Variants in KLK15 observed in about 807,000 individuals in gnomAD.
The protein encoded by KLK15 is kallikrein-15.
A neutral mutation model predicts 21.1 loss-of-function variants in KLK15; 19 were observed. The ratio of observed to expected loss-of-function variants is 0.90; its 90% CI spans 0.63 to 1.32. The LOEUF is 1.32. Ranked by LOEUF, KLK15 falls within the 40% of genes most tolerant of loss-of-function variation. The pLI, the probability that KLK15 is intolerant of heterozygous loss-of-function variation, is 0.00. For missense variants in KLK15, 345 were observed against 348.6 expected, an observed-to-expected ratio of 0.99 and a Z score of 0.08; for synonymous variants, 141 against 141.5, an observed-to-expected ratio of 1.00 and a Z score of 0.03.
intron 1 of KLK15, among the ~76,000 whole-genome samples, chr19:50,829,983 A>C (rs924030245): frequency 2.6e-5 from 4 of 151,640 alleles, no homozygotes; most frequent in Admixed American, 1.3e-4. Context: ...TCAAGGTCAA[A>C]GACATGCAGC....
At chr19:50,832,008 A>G (rs1392641581), upstream of KLK15, among the ~76,000 whole-genome samples, 16 of 151,406 alleles carry the variant, frequency 1.1e-4, no homozygotes, top group Non-Finnish European at 2.9e-5. Context: ...TTTTAAGTAG[A>G]GACAGGGTTT....
exon 2 of KLK15, chr19:50,827,701 G>T (rs1041779437): frequency 1.2e-6 from 2 of 1,611,214 alleles, no homozygotes; most frequent in African/African-American, 2.7e-5. Flanking sequence ...CCAGTGTGGG[G>T]AGATGAGGGA....
chr19:50,826,437 C>T (rs572329258), intron 4 of KLK15, 184 bp downstream of exon 5: 24 of 622,284 alleles, frequency 3.9e-5, no homozygotes, highest in South Asian at 2.8e-4. Context: ...CCTCAAACAA[C>T]GCAATCCCCA....
intron 1 of KLK15, 69 bp downstream of exon 2, chr19:50,831,381 G>A (rs1375969238): frequency 6.0e-6 from 7 of 1,165,500 alleles, no homozygotes; most frequent in Non-Finnish European, 8.0e-6. Context: ...GCAGATCACT[G>A]GGCCCAGACA....
intron 4 of KLK15, 38 bp downstream of exon 5, chr19:50,826,583 C>A (rs749353326): frequency 5.2e-6 from 8 of 1,546,798 alleles, no homozygotes; most frequent in South Asian, 1.2e-5. Context: ...CTGTCCCCAT[C>A]CCTCTTCTTC....
chr19:50,832,277 A>G (rs1033416757), upstream of KLK15, among the ~76,000 whole-genome samples: 7 of 150,112 alleles, frequency 4.7e-5, no homozygotes, highest in Non-Finnish European at 7.4e-5. Flanking sequence ...TGGCACCACC[A>G]GGATAAAGTC....
At chr19:50,826,804 T>C (rs562272039) in intron 3 of KLK15, 47 bp from the exon 5 acceptor site, 21 of 1,584,852 alleles carry the variant, frequency 1.3e-5, no homozygotes, top group Non-Finnish European at 1.7e-5. Flanking sequence ...TTCCGGCCCT[T>C]GTCCCCTCCG....
upstream of KLK15, among the ~76,000 whole-genome samples, chr19:50,831,921 C>G (rs2089994463): frequency 6.6e-6 from 1 of 152,062 alleles, no homozygotes; most frequent in Admixed American, 6.5e-5. Context: ...ACACCATTCT[C>G]CCGCCTCAGC....
chr19:50,825,942 A>C (rs2089872290), exon 5 of KLK15: 1 of 1,612,236 alleles, frequency 6.2e-7, no homozygotes, highest in African/African-American at 1.3e-5. Context: ...GGTCCCCCAG[A>C]GTCACCCTGT....
intron 2 of KLK15, 36 bp downstream of exon 3, chr19:50,827,626 A>G (rs1444146372): frequency 1.3e-6 from 2 of 1,596,026 alleles, no homozygotes; most frequent in Non-Finnish European, 1.7e-6. Flanking sequence ...CCCCCGAACC[A>G]GGCTCCCTCA....
At chr19:50,830,181 A>ACACC (rs2089958202) in intron 1 of KLK15, among the ~76,000 whole-genome samples, 1 of 151,344 alleles carries the variant, frequency 6.6e-6, no homozygotes, top group African/African-American at 2.4e-5. Flanking sequence ...ACACACACAC[A>ACACC]CACACAGAAT....
At chr19:50,827,082 T>G (rs551526241) in exon 3 of KLK15, 67 of 1,606,242 alleles carry the variant, frequency 4.2e-5, no homozygotes, top group Non-Finnish European at 5.3e-5. Flanking sequence ...GGGTGTGGAA[T>G]GACCCGAGAC....
intron 4 of KLK15, 185 bp from the exon 6 acceptor site, chr19:50,826,133 A>T (rs567645704): frequency 1.7e-6 from 1 of 588,386 alleles, no homozygotes; most frequent in Admixed American, 3.1e-5. Context: ...CCCAACCCCA[A>T]TTCAACACAG....
At chr19:50,825,755 G>A in exon 5 of KLK15, 5 of 1,590,844 alleles carry the variant, frequency 3.1e-6, no homozygotes, top group Non-Finnish European at 3.4e-6. Flanking sequence ...AGCTGTGGGG[G>A]CTTCTGCTCA....
At chr19:50,827,566 C>G in intron 2 of KLK15, 96 bp downstream of exon 3, 1 of 1,325,198 alleles carries the variant, frequency 7.5e-7, no homozygotes, top group Non-Finnish European at 1.0e-6. Flanking sequence ...TTTCAGAACC[C>G]AGGAGTTCTG....
chr19:50,826,930 C>A (rs755196817), exon 3 of KLK15: 1 of 1,589,102 alleles, frequency 6.3e-7, no homozygotes, highest in Non-Finnish European at 8.6e-7. Context: ...ACACCAGGCC[C>A]CAGCCAGACA....
intron 1 of KLK15, among the ~76,000 whole-genome samples, chr19:50,829,743 G>T (rs1221758337): frequency 6.6e-6 from 1 of 151,822 alleles, no homozygotes; most frequent in Non-Finnish European, 1.5e-5. Context: ...CTTGAACCTG[G>T]GAGGCGGAGG....
intron 1 of KLK15, among the ~76,000 whole-genome samples, chr19:50,828,757 C>T (rs1420063053): frequency 6.6e-6 from 1 of 151,360 alleles, no homozygotes; most frequent in Non-Finnish European, 1.5e-5. Context: ...CACCTGAGGT[C>T]AGGAGTTCGA....
At chr19:50,827,507 AAC>A (rs1219226339) in intron 2 of KLK15, among the ~76,000 whole-genome samples, 153 bp downstream of exon 3, 1 of 151,556 alleles carries the variant, frequency 6.6e-6, no homozygotes, top group African/African-American at 2.4e-5. Flanking sequence ...AAGGCTTTGA[AAC>A]ACACACTCCT....
Sources: allele counts gnomAD v4.1 joint callset (sites outside exome capture counted in the v4.1 genomes callset), GRCh38; gene constraint gnomAD v4.1.1; transcripts MANE v1.5; gene names NCBI Gene and HGNC (gene_info 2026-07-23, HGNC 2026-07-21).